Variants in SUN1 observed in about 807,000 individuals in gnomAD.
SUN1 encodes SUN domain-containing protein 1.
A neutral mutation model predicts 103.2 loss-of-function variants in SUN1; 61 were observed. The ratio of observed to expected loss-of-function variants is 0.59; its 90% CI spans 0.48 to 0.73. The LOEUF is 0.73. SUN1 is among the 30% of genes least tolerant of loss of function. The probability of loss-of-function intolerance (pLI) is 0.00; values close to 1 mark genes in which losing one functional copy is unlikely to be tolerated. For missense variants in SUN1, 1,052 were observed against 1,034.6 expected (o/e 1.02, Z -0.23); for synonymous variants, 490 against 425.7 (o/e 1.15, Z -1.86).
At chr7:853,645 C>T in intron 10 of SUN1, 27 bp downstream of exon 10, 1 of 1,595,076 alleles carries the variant, frequency 6.3e-7, no homozygotes, top group Non-Finnish European at 8.5e-7. Flanking sequence ...TACCAGGCTC[C>T]ATGGTGACAC....
chr7:861,199 C>G (rs1361279313), intron 14 of SUN1, among the ~76,000 whole-genome samples, 181 bp from the exon 15 acceptor site: 2 of 152,194 alleles, frequency 1.3e-5, no homozygotes, highest in East Asian at 1.9e-4. Flanking sequence ...ATCTGATGGC[C>G]TTGGCAGTCG....
chr7:841,811 G>T, intron 2 of SUN1, 135 bp from the exon 3 acceptor site: 1 of 867,724 alleles, frequency 1.2e-6, no homozygotes, highest in South Asian at 1.7e-5. Context: ...ATTCATTACA[G>T]CAGAAAAGGC....
intron 3 of SUN1, chr7:842,707 G>T: frequency 5.2e-6 from 1 of 190,852 alleles, no homozygotes. Context: ...GGGGCGCCCA[G>T]CCGCTCATCT....
chr7:842,304 T>C (rs1300342813), intron 3 of SUN1, among the ~76,000 whole-genome samples, 174 bp downstream of exon 3: 1 of 152,088 alleles, frequency 6.6e-6, no homozygotes, highest in Non-Finnish European at 1.5e-5. Flanking sequence ...GGAGCATCAG[T>C]TAGGTTCCAG....
At chr7:816,607 G>C (rs1416194053), upstream of SUN1, 5 of 395,576 alleles carry the variant, frequency 1.3e-5, no homozygotes, top group African/African-American at 6.6e-5. Context: ...CGATTGGCTG[G>C]CGTGGGCAGA....
rs925559325 is a variant in SUN1, at chr7:836,255, G to A, written c.78-2543G>A. ...CTCCTGCAGAGAGAGAGGAGGGAAG[G>A]AGGAACTCCATCCAGAGCACGCAGG... On this transcript the variant is annotated intron_variant, in intron 1 of 18. Transcript: ENST00000401592. Among the ~76,000 whole-genome samples, 3 of 152,030 alleles carry A rather than the reference G, an allele frequency of 2.0e-5. No homozygotes were observed. In the East Asian group the frequency reaches 5.8e-4, roughly 29 times the overall value.
At chr7:822,866 C>A (rs1469190624) in intron 1 of SUN1, among the ~76,000 whole-genome samples, 2 of 152,236 alleles carry the variant, frequency 1.3e-5, no homozygotes, top group African/African-American at 4.8e-5. Context: ...GCACACACAG[C>A]CCTGTGGCCA....
chr7:853,026 G>A (rs1823736443), intron 9 of SUN1, 74 bp downstream of exon 9: 6 of 1,520,134 alleles, frequency 3.9e-6, no homozygotes, highest in South Asian at 2.6e-5. Flanking sequence ...ACTGCTGTGA[G>A]CCAGGCACTT....
rs777605542 is a variant in SUN1 at position 852,018 on chromosome 7, T to C, written c.826T>C (p.Trp276Arg). ...GWYQFVTLIS[W>R]LNVFLLTRCL... ...GTACCAGTTTGTTACTTTGATTTCT[T>C]GGCTGAATGTGTTTCTTCTTACCAG... Residue 276 changes from tryptophan (W) to arginine (R), a missense_variant, in exon 7 of 19, where the codon TGG (tryptophan) becomes CGG (arginine). Trp to Arg is a moderately radical substitution (Grantham distance 101). Coordinates refer to ENST00000401592, the MANE Select transcript of SUN1 (RefSeq NM_001130965.3). 6.2e-7 allele frequency: 1 copy of C among 1,614,188 alleles called. No individual in the cohort carries two copies. The highest frequency in any genetic ancestry group is 1.1e-5 in the South Asian group (1 of 91,090).
At chr7:869,551 C>T in intron 17 of SUN1, 35 bp downstream of exon 17, 1 of 1,599,836 alleles carries the variant, frequency 6.3e-7, no homozygotes, top group Middle Eastern at 2.0e-4. Context: ...TCCTCCCACA[C>T]CTTCCTGGGA....
At chr7:868,219 CACAG>C (rs1321277582) in intron 16 of SUN1, among the ~76,000 whole-genome samples, 7 of 152,252 alleles carry the variant, frequency 4.6e-5, no homozygotes, top group Non-Finnish European at 8.8e-5. Context: ...CTCCGTTGCG[CACAG>C]CAACGTGGCT....
At chr7:857,334 A>T (rs1367777449) in intron 12 of SUN1, among the ~76,000 whole-genome samples, 7 of 152,290 alleles carry the variant, frequency 4.6e-5, no homozygotes, top group Non-Finnish European at 1.0e-4. Context: ...AAGTTGCTTT[A>T]ACGTGTTAAT....
chr7:837,789 G>A (rs932878321), intron 1 of SUN1, among the ~76,000 whole-genome samples: 6 of 152,224 alleles, frequency 3.9e-5, no homozygotes, highest in African/African-American at 9.6e-5. Flanking sequence ...AGGGCTCTGG[G>A]CATACCTGTC....
Position 857,942 on chromosome 7 carries a change from T to A in SUN1, c.1509T>A (p.Asp503Glu). 6.3e-7 allele frequency: 1 copy of A among 1,587,786 alleles called. No individual in the cohort carries two copies. The highest frequency in any genetic ancestry group is 8.6e-7 in the Non-Finnish European group (1 of 1,160,970). The change falls in exon 13 of 19, where the codon GAT (aspartate) becomes GAA (glutamate). Residue 503 changes from aspartate (D) to glutamate (E), a missense_variant. Coordinates refer to ENST00000401592, the MANE Select transcript of SUN1 (RefSeq NM_001130965.3). ...RHVKTGCETV[D>E]AVQERVDVQV... Reference sequence around the variant, plus strand: ...TGAAGACCGGCTGTGAGACAGTGGATGCCGTACAAGAAAGAGTGAGCTTTC... The same window carrying A: ...TGAAGACCGGCTGTGAGACAGTGGAAGCCGTACAAGAAAGAGTGAGCTTTC...
upstream of SUN1, among the ~76,000 whole-genome samples, chr7:827,963 G>A (rs995432281): frequency 1.3e-5 from 2 of 151,918 alleles, no homozygotes; most frequent in Non-Finnish European, 2.9e-5. Context: ...GCTGGAATGC[G>A]CTGAAATATG....
chr7:816,462 C>T (rs1347681214), upstream of SUN1, among the ~76,000 whole-genome samples: 5 of 148,824 alleles, frequency 3.4e-5, no homozygotes, highest in Non-Finnish European at 6.0e-5. Context: ...CCTCCCCTTC[C>T]CCCGCCTGGA....
intron 1 of SUN1, chr7:817,613 T>C (rs1782012844): frequency 3.9e-6 from 5 of 1,275,202 alleles, no homozygotes; most frequent in African/African-American, 3.0e-5. Context: ...GCTTCAGTCA[T>C]AGTATTGCCC....
At chr7:825,838 T>G (rs1791224140) in intron 1 of SUN1, among the ~76,000 whole-genome samples, 1 of 152,134 alleles carries the variant, frequency 6.6e-6, no homozygotes, top group South Asian at 2.1e-4. Context: ...GTCTCTACAT[T>G]ATTTACTTTC....
chr7:860,726 A>C (rs1204655397), intron 14 of SUN1, among the ~76,000 whole-genome samples: 2 of 152,210 alleles, frequency 1.3e-5, no homozygotes, highest in African/African-American at 4.8e-5. Context: ...GTCTGTTCTC[A>C]TGCTGGGCAA....
Sources: allele counts gnomAD v4.1 joint callset (sites outside exome capture counted in the v4.1 genomes callset), GRCh38; gene constraint gnomAD v4.1.1; transcripts MANE v1.5; gene names NCBI Gene and HGNC (gene_info 2026-07-23, HGNC 2026-07-21).